The following IFI27 variants were observed in gnomAD, a reference collection of about 807,000 sequenced individuals.
IFI27 encodes the protein interferon alpha inducible protein 27.
IFI27 carries 3 observed loss-of-function variants against 8.9 expected under a neutral mutation model. That is an observed-to-expected ratio of 0.34 (90% CI 0.15 to 0.87). The LOEUF is 0.87. Ranked by LOEUF, IFI27 falls within the 40% of genes least tolerant of loss-of-function variation. The pLI, the probability that IFI27 is intolerant of heterozygous loss-of-function variation, is 0.51. For missense variants in IFI27, 152 were observed against 157.7 expected (o/e 0.96, Z 0.19); for synonymous variants, 66 against 67.3 (o/e 0.98, Z 0.09).
chr14:94,106,710 C>T (rs1378470804), upstream of IFI27, among the ~76,000 whole-genome samples: 2 of 152,186 alleles, frequency 1.3e-5, no homozygotes, highest in East Asian at 3.8e-4. Flanking sequence ...CTGCAGGGAG[C>T]ATGGCACTGG....
upstream of IFI27, among the ~76,000 whole-genome samples, chr14:94,109,535 T>C (rs1270018655): frequency 3.9e-5 from 6 of 152,176 alleles, no homozygotes; most frequent in African/African-American, 1.4e-4. Flanking sequence ...CTTGGAGTTA[T>C]GGTCAGGTTC....
At chr14:94,114,605 C>A in intron 2 of IFI27, 1 of 528,976 alleles carries the variant, frequency 1.9e-6, no homozygotes, top group Non-Finnish European at 3.4e-6. Flanking sequence ...ACCAACCAAT[C>A]AACTAGGTCA....
chr14:94,106,221 A>C (rs1887013016), upstream of IFI27, among the ~76,000 whole-genome samples: 1 of 152,212 alleles, frequency 6.6e-6, no homozygotes, highest in African/African-American at 2.4e-5. Flanking sequence ...GTCACCTCCC[A>C]AAAAGTTCCA....
At chr14:94,112,980 C>G (rs978507406) in intron 2 of IFI27, 8 of 152,240 alleles carry the variant, frequency 5.3e-5, no homozygotes, top group Admixed American at 3.3e-4. Context: ...AAAATAATAA[C>G]AGCTCAACTT....
At position 94,116,593 on chromosome 14, in the gene IFI27, C is replaced by T. The variant is rs899046319; in HGVS notation, c.*66C>T. 1.7e-5 allele frequency: 22 copies of T among 1,268,764 alleles called. No homozygotes were observed. The highest frequency in any genetic ancestry group is 2.9e-5 in the African/African-American group (2 of 67,998). The allele number at this position is 1,268,764 out of a possible 1,614,324, so 78.6% of individuals were successfully genotyped here. On this transcript the variant is annotated 3_prime_UTR_variant, in exon 5 of 5. Transcript: ENST00000621160. The surrounding 1 kb of genome is among the most constrained non-coding windows in gnomAD (Gnocchi z 4.3). ...GGGAGAAGGCACCCAGCCATCCTGA[C>T]CCAGCGAGGAGCCAACTATCCCAAA...
intron 2 of IFI27, chr14:94,113,227 C>G (rs1380933630): frequency 6.6e-6 from 1 of 152,342 alleles, no homozygotes; most frequent in East Asian, 1.9e-4. Context: ...ATAGGCCAGG[C>G]ACGGTGGCTC....
chr14:94,107,258 A>T (rs965244078), upstream of IFI27, among the ~76,000 whole-genome samples: 3 of 152,212 alleles, frequency 2.0e-5, no homozygotes, highest in East Asian at 5.8e-4. Context: ...TTTAATAGAG[A>T]CAGGGTTTCA....
In IFI27 at chr14:94,116,049, T is replaced by C. The variant is rs906644743; in HGVS notation, c.283+107T>C. The C allele has an allele frequency of 8.9e-7, 1 of 1,122,018 alleles. No individual in the cohort carries two copies. Among genetic ancestry groups the C allele is most frequent in the South Asian group, 1.3e-5 (1 of 75,670 alleles). The allele number at this position is 1,122,018 out of a possible 1,614,324, so 69.5% of individuals were successfully genotyped here. A position where few individuals can be genotyped will look rare whatever the true frequency, so the allele number is the denominator to read the frequency against. The stretch of plus-strand genomic sequence containing the variant: ...ATGAACCTCAATCTCCCTGTTCCTC[T>C]GTCTCTCTCTACACATTCTCTCAGG... On this transcript the variant is annotated intron_variant, in intron 4 of 4. Transcript: ENST00000621160. The surrounding 1 kb of genome is among the most constrained non-coding windows in gnomAD (Gnocchi z 4.3).
chr14:94,115,898 G>A (rs1407819698), exon 4 of IFI27: 8 of 1,597,596 alleles, frequency 5.0e-6, no homozygotes, highest in Admixed American at 3.5e-5. Flanking sequence ...GCCAATGGGG[G>A]TGGAGTTGCC....
chr14:94,114,957 A>T, intron 3 of IFI27, 77 bp downstream of exon 3: 1 of 1,355,616 alleles, frequency 7.4e-7, no homozygotes, highest in Non-Finnish European at 1.1e-6. Context: ...GGCCTTGTCC[A>T]TGCCAATGTT....
intron 2 of IFI27, among the ~76,000 whole-genome samples, chr14:94,112,519 C>T (rs1177210513): frequency 6.6e-6 from 1 of 152,262 alleles, no homozygotes; most frequent in Non-Finnish European, 1.5e-5. Flanking sequence ...TGTGTATCCC[C>T]TGCCCTTTAC....
At position 94,111,772 on chromosome 14, in the gene IFI27, G is replaced by C. The variant is rs1385257076; in HGVS notation, c.90G>C (p.Leu30=). 4 of 1,612,906 alleles carry C rather than the reference G, an allele frequency of 2.5e-6. No individual in the cohort carries two copies. Among genetic ancestry groups the C allele is most frequent in the Non-Finnish European group, 3.4e-6 (4 of 1,178,938 alleles). Residue 30 remains leucine, a splice_region_variant and synonymous_variant, in exon 2 of 5, where the codon CTG becomes CTC. Coordinates refer to ENST00000621160, the Ensembl canonical transcript of IFI27. This position sits in a 1 kb window ranked among gnomAD's most constrained non-coding sequence, Gnocchi z 4.3. Reference sequence around the variant, plus strand: ...CTGGCTCTGCCGTAGTTTTGCCCCTGGGTGAGTGTTCCTGGGAGGGGCTGG... The same window carrying C: ...CTGGCTCTGCCGTAGTTTTGCCCCTCGGTGAGTGTTCCTGGGAGGGGCTGG...
At chr14:94,114,660 C>T (rs192104619) in intron 2 of IFI27, 191 bp from the exon 3 acceptor site, 2 of 622,142 alleles carry the variant, frequency 3.2e-6, no homozygotes, top group Non-Finnish European at 2.9e-6. Flanking sequence ...GTCAAACTCC[C>T]CAGTGATCCT....
upstream of IFI27, among the ~76,000 whole-genome samples, chr14:94,106,244 A>G (rs1377373712): frequency 6.6e-6 from 1 of 152,210 alleles, no homozygotes; most frequent in Non-Finnish European, 1.5e-5. Flanking sequence ...TCCCAATACC[A>G]TCACCTTTGG....
rs544379897 is a variant in IFI27 at position 94,111,945 on chromosome 14, C to T, written c.91+172C>T. 73 of 653,720 alleles carry T rather than the reference C, an allele frequency of 1.1e-4. No individual in the cohort carries two copies. The East Asian group carries it at 1.6e-3, about 14-fold the overall frequency. The allele number at this position is 653,720 out of a possible 1,614,324, so 40.5% of individuals were successfully genotyped here. ...CTAACTTTCCATCTGGGAGGGGGCC[C>T]GGGGCAGGCAGACTCTGGCCAGATG... On this transcript the variant is annotated intron_variant, in intron 2 of 4. Coordinates refer to ENST00000621160, the Ensembl canonical transcript of IFI27. The surrounding 1 kb of genome is among the most constrained non-coding windows in gnomAD (Gnocchi z 4.3).
chr14:94,115,113 G>A (rs769552900), intron 3 of IFI27, among the ~76,000 whole-genome samples: 4 of 152,210 alleles, frequency 2.6e-5, no homozygotes, highest in Non-Finnish European at 4.4e-5. Context: ...GGCAGCAGCC[G>A]GCAGAGGCCA....
Position 94,111,972 on chromosome 14 carries a change from C to A in IFI27, c.91+199C>A, listed in dbSNP as rs1021558447. The A allele has an allele frequency of 1.0e-4, 64 of 630,900 alleles. No individual in the cohort carries two copies. Among genetic ancestry groups the A allele is most frequent in the Non-Finnish European group, 1.5e-4 (53 of 349,928 alleles). The allele number at this position is 630,900 out of a possible 1,614,324, so 39.1% of individuals were successfully genotyped here. On this transcript the variant is annotated intron_variant, in intron 2 of 4. Transcript: ENST00000621160. This position sits in a 1 kb window ranked among gnomAD's most constrained non-coding sequence, Gnocchi z 4.3. Reference sequence around the variant, plus strand: ...GGGCAGGCAGACTCTGGCCAGATGCCCAGCCCTGGGTGTTCCACAGGTCCT... The same window carrying A: ...GGGCAGGCAGACTCTGGCCAGATGCACAGCCCTGGGTGTTCCACAGGTCCT...
At chr14:94,114,675 C>T in intron 2 of IFI27, 176 bp from the exon 3 acceptor site, 1 of 647,292 alleles carries the variant, frequency 1.5e-6, no homozygotes, top group Middle Eastern at 3.5e-4. Context: ...GATCCTCACC[C>T]TCCTCCAGAA....
chr14:94,116,242 C>T lies in IFI27; in HGVS notation c.284-200C>T, dbSNP rs935554652. 5 of 651,378 alleles carry T rather than the reference C, an allele frequency of 7.7e-6. No homozygotes were observed. In the Admixed American group the frequency reaches 1.1e-4, roughly 15 times the overall value. The allele number at this position is 651,378 out of a possible 1,614,324, so 40.3% of individuals were successfully genotyped here. On this transcript the variant is annotated intron_variant, in intron 4 of 4. Transcript: ENST00000621160. The surrounding 1 kb of genome is among the most constrained non-coding windows in gnomAD (Gnocchi z 4.3). ...CGAGGCTGCTTCTAGCTCTGGAGTT[C>T]ACCATGGGGGTTCATGCCTGCAGCA...
Sources: allele counts gnomAD v4.1 joint callset (sites outside exome capture counted in the v4.1 genomes callset), GRCh38; gene constraint gnomAD v4.1.1; non-coding constraint Gnocchi (gnomAD v3.1); transcripts MANE v1.5; gene names NCBI Gene and HGNC (gene_info 2026-07-23, HGNC 2026-07-21).